Variants in GRM7 observed in about 807,000 individuals in gnomAD.
GRM7 encodes the protein metabotropic glutamate receptor 7.
Under a neutral mutation model 84.5 loss-of-function variants are expected in GRM7, and 35 were observed. The observed-to-expected ratio is 0.41, with a 90% confidence interval of 0.32 to 0.55. The LOEUF is 0.55. GRM7 is among the 20% of genes least tolerant of loss of function. The probability of loss-of-function intolerance (pLI) is 0.19; values close to 1 mark genes in which losing one functional copy is unlikely to be tolerated. For synonymous variants in GRM7, 487 were observed against 455.1 expected (o/e 1.07, Z -0.89); for missense variants, 1,003 against 1,194.6 (o/e 0.84, Z 2.36).
At chr3:7,643,329 AAC>A (rs1440179746) in intron 8 of GRM7, among the ~76,000 whole-genome samples, 1 of 39,748 alleles carries the variant, frequency 2.5e-5, no homozygotes, top group Non-Finnish European at 5.3e-5. Flanking sequence ...ATGAAAAACA[AAC>A]AAAAAAAACA....
chr3:6,983,768 T>G (rs1190051338), intron 1 of GRM7, among the ~76,000 whole-genome samples: 1 of 152,010 alleles, frequency 6.6e-6, no homozygotes, highest in Non-Finnish European at 1.5e-5. Flanking sequence ...CATTATTTTT[T>G]TTCTACAATC....
chr3:7,481,125 C>A (rs934095022), intron 7 of GRM7, among the ~76,000 whole-genome samples: 2 of 151,312 alleles, frequency 1.3e-5, no homozygotes, highest in Admixed American at 1.3e-4. Flanking sequence ...ATTACCCAGG[C>A]TGGAATGCAG....
At chr3:7,258,512 A>T (rs752239004) in intron 2 of GRM7, among the ~76,000 whole-genome samples, 1 of 152,244 alleles carries the variant, frequency 6.6e-6, no homozygotes, top group Non-Finnish European at 1.5e-5. Flanking sequence ...TCCGTCTAAA[A>T]GTAGTAGCCA....
At position 7,612,774 on chromosome 3, in the gene GRM7, A is replaced by G. The variant is rs549121398; in HGVS notation, c.2451+33417A>G. ...AAGAATTAGATTTTAGAGGAGAAAA[A>G]GTGATTTGGGCACCAAGGAAAGAAT... On this transcript the variant is annotated intron_variant, in intron 8 of 9. Transcript: ENST00000357716. Among the ~76,000 whole-genome samples the G allele has an allele frequency of 2.6e-5, 4 of 152,338 alleles. No homozygotes were observed. The South Asian group carries it at 8.3e-4, about 32-fold the overall frequency.
intron 7 of GRM7, among the ~76,000 whole-genome samples, chr3:7,489,968 G>A (rs1438276931): frequency 6.6e-6 from 1 of 151,576 alleles, no homozygotes; most frequent in African/African-American, 2.4e-5. Flanking sequence ...ATTAAAATAT[G>A]TATATACCCT....
At chr3:7,657,774 G>GA (rs1003083127) in intron 8 of GRM7, among the ~76,000 whole-genome samples, 1 of 152,100 alleles carries the variant, frequency 6.6e-6, no homozygotes, top group African/African-American at 2.4e-5. Flanking sequence ...ATAATAGAGG[G>GA]AAAACCTTAC....
At chr3:7,126,441 C>G (rs947444456) in intron 1 of GRM7, among the ~76,000 whole-genome samples, 3 of 152,156 alleles carry the variant, frequency 2.0e-5, no homozygotes, top group African/African-American at 7.2e-5. Flanking sequence ...TCAATAAACC[C>G]TAGTCACATA....
At chr3:7,391,389 A>G (rs1353868035) in intron 4 of GRM7, among the ~76,000 whole-genome samples, 1 of 152,164 alleles carries the variant, frequency 6.6e-6, no homozygotes, top group African/African-American at 2.4e-5. Context: ...ATAAAAAAGG[A>G]TGAGTTCATG....
intron 2 of GRM7, among the ~76,000 whole-genome samples, chr3:7,221,591 AT>A (rs1696802732): frequency 6.6e-6 from 1 of 151,806 alleles, no homozygotes; most frequent in African/African-American, 2.4e-5. Context: ...CCATGATTTT[AT>A]TTTTTAATCT....
At chr3:6,995,804 A>T (rs912407698) in intron 1 of GRM7, among the ~76,000 whole-genome samples, 2 of 152,208 alleles carry the variant, frequency 1.3e-5, no homozygotes, top group African/African-American at 2.4e-5. Flanking sequence ...CCAAGAGAAC[A>T]CATATAAGCA....
chr3:7,168,419 C>T (rs1372302893), intron 2 of GRM7, among the ~76,000 whole-genome samples: 1 of 152,040 alleles, frequency 6.6e-6, no homozygotes, highest in Non-Finnish European at 1.5e-5. Flanking sequence ...TCGGGACTTC[C>T]TGATGACATG....
chr3:6,885,633 G>T (rs867714590), intron 1 of GRM7, among the ~76,000 whole-genome samples: 4 of 152,158 alleles, frequency 2.6e-5, no homozygotes, highest in African/African-American at 9.7e-5. Context: ...CGGTGCAAAT[G>T]TAGGAAAAGC....
chr3:7,126,982 C>G (rs1433577853), intron 1 of GRM7, among the ~76,000 whole-genome samples: 1 of 152,188 alleles, frequency 6.6e-6, no homozygotes, highest in African/African-American at 2.4e-5. Context: ...TTTAAATGTT[C>G]TACTTTATGG....
intron 2 of GRM7, among the ~76,000 whole-genome samples, chr3:7,240,111 G>T (rs1214063348): frequency 8.2e-6 from 1 of 122,164 alleles, no homozygotes; most frequent in Non-Finnish European, 1.6e-5. Flanking sequence ...TAATCTTTTA[G>T]CATGTGAGGT....
chr3:7,022,148 G>A (rs918554861), intron 1 of GRM7, among the ~76,000 whole-genome samples: 4 of 151,836 alleles, frequency 2.6e-5, no homozygotes, highest in Admixed American at 6.6e-5. Context: ...ACAACATGGT[G>A]ATACCCAGTC....
intron 1 of GRM7, among the ~76,000 whole-genome samples, chr3:7,028,304 C>T (rs1255093601): frequency 3.3e-5 from 5 of 152,158 alleles, no homozygotes; most frequent in Admixed American, 1.3e-4. Flanking sequence ...ATAAATACCT[C>T]GCTTTGCACA....
At chr3:7,320,706 G>GTGTGTGTT (rs1382145276) in intron 4 of GRM7, among the ~76,000 whole-genome samples, 1 of 151,612 alleles carries the variant, frequency 6.6e-6, no homozygotes, top group South Asian at 2.1e-4. Flanking sequence ...GTGTGTGTGT[G>GTGTGTGTT]TGTGTGTGTG....
At chr3:7,364,340 G>T in intron 4 of GRM7, among the ~76,000 whole-genome samples, 1 of 151,542 alleles carries the variant, frequency 6.6e-6, no homozygotes, top group African/African-American at 2.4e-5. Flanking sequence ...GTTTTGGTTT[G>T]AGGCATTTAT....
intron 1 of GRM7, among the ~76,000 whole-genome samples, chr3:6,921,247 G>A (rs1054390621): frequency 6.6e-6 from 1 of 152,214 alleles, no homozygotes; most frequent in African/African-American, 2.4e-5. Flanking sequence ...GGCAGAATCC[G>A]AAAGAGCAGC....
Sources: gnomAD v4.1 joint callset for allele counts (sites outside exome capture counted in the v4.1 genomes callset) on GRCh38, gnomAD v4.1.1 for gene constraint, MANE v1.5 for transcripts, NCBI Gene and HGNC (gene_info 2026-07-23, HGNC 2026-07-21) for gene names.